The following CPED1 variants were observed in gnomAD, a reference collection of about 807,000 sequenced individuals.
CPED1 encodes the protein cadherin like and PC-esterase domain containing 1.
CPED1 carries 114 observed loss-of-function variants against 128.2 expected under a neutral mutation model. The ratio of observed to expected loss-of-function variants is 0.89; its 90% CI spans 0.76 to 1.04. The LOEUF (loss-of-function observed/expected upper bound fraction) is 1.04, where lower values mean the gene tolerates loss of function less well. Ranked by LOEUF, CPED1 falls within the 50% of genes least tolerant of loss-of-function variation. CPED1 has a pLI of 0.00. For synonymous variants in CPED1, 462 were observed against 426.7 expected (o/e 1.08, Z -1.02); for missense variants, 1,211 against 1,207.1 (o/e 1.00, Z -0.05).
chr7:121,254,982 A>G (rs1798770194), intron 18 of CPED1, among the ~76,000 whole-genome samples: 1 of 151,966 alleles, frequency 6.6e-6, no homozygotes. Context: ...CCAGATGTAC[A>G]AAAAAGAATT....
intron 5 of CPED1, among the ~76,000 whole-genome samples, chr7:121,069,967 T>C (rs1793947202): frequency 6.6e-6 from 1 of 152,062 alleles, no homozygotes; most frequent in African/African-American, 2.4e-5. Flanking sequence ...GCACTGACCT[T>C]CATGTGAAGC....
chr7:121,178,437 G>C (rs1365626928), intron 16 of CPED1, among the ~76,000 whole-genome samples: 1 of 152,028 alleles, frequency 6.6e-6, no homozygotes, highest in African/African-American at 2.4e-5. Context: ...CATTAACTCT[G>C]TGCTGTAATG....
intron 16 of CPED1, among the ~76,000 whole-genome samples, chr7:121,164,365 C>G (rs189342049): frequency 6.6e-6 from 1 of 152,200 alleles, no homozygotes; most frequent in Non-Finnish European, 1.5e-5. Context: ...ATCCCCTCCC[C>G]GAAAGACAGT....
At chr7:121,127,324 TATTCTGCA>T in intron 10 of CPED1, 67 bp downstream of exon 10, 1 of 980,192 alleles carries the variant, frequency 1.0e-6, no homozygotes, top group Non-Finnish European at 1.5e-6. Flanking sequence ...TCATTCTCCT[TATTCTGCA>T]ATTCAGCAAC....
chr7:121,078,332 T>C lies in CPED1; in HGVS notation c.616+14019T>C, dbSNP rs184363509. Among the ~76,000 whole-genome samples, 204 of 152,178 alleles carry C rather than the reference T, an allele frequency of 1.3e-3. 1 individual carries two copies. Among genetic ancestry groups the C allele is most frequent in the Non-Finnish European group, 2.5e-3 (170 of 67,984 alleles). ...TGCTGGGATTACAGGTGTGAGCCAC[T>C]GCACGTGGCCTGATTTGTTTTTTAA... On this transcript the variant is annotated intron_variant, in intron 5 of 22. Transcript: ENST00000310396.
intron 18 of CPED1, among the ~76,000 whole-genome samples, chr7:121,249,056 T>C (rs1798606812): frequency 1.3e-5 from 2 of 152,112 alleles, no homozygotes; most frequent in Non-Finnish European, 2.9e-5. Context: ...AGCAGCAGAA[T>C]AGACCAGGCT....
intron 16 of CPED1, among the ~76,000 whole-genome samples, chr7:121,150,237 T>C (rs935685188): frequency 6.6e-6 from 1 of 150,978 alleles, no homozygotes; most frequent in Admixed American, 6.7e-5. Flanking sequence ...TTGTCTATCA[T>C]TGCCATCTTC....
intron 2 of CPED1, among the ~76,000 whole-genome samples, chr7:120,998,767 A>G (rs538911059): frequency 4.6e-5 from 7 of 151,754 alleles, no homozygotes; most frequent in Middle Eastern, 6.9e-3. Flanking sequence ...ATATCACTCA[A>G]CGTCAGACTT....
chr7:121,295,140 AACACACACACACACACAC>A (rs35927183), intron 22 of CPED1, among the ~76,000 whole-genome samples: 1 of 145,786 alleles, frequency 6.9e-6, no homozygotes, highest in East Asian at 2.0e-4. Context: ...CTGGCCTGAA[AACACACACACACACACAC>A]ACACACACAC....
At chr7:121,120,685 A>G (rs182687716) in intron 7 of CPED1, among the ~76,000 whole-genome samples, 2 of 152,220 alleles carry the variant, frequency 1.3e-5, no homozygotes, top group East Asian at 3.9e-4. Context: ...TCTTATCTCT[A>G]AAATTCTCTC....
At position 121,236,820 on chromosome 7, in the gene CPED1, G is replaced by A. The variant is rs750787348; in HGVS notation, c.2162G>A (p.Gly721Glu). ...LQSELKRCPS[G>E]DMKGQWIVPC... Reference sequence around the variant, plus strand: ...TCTGAACTAAAAAGATGTCCATCTGGGGACATGAAAGGTGACTATCACATT... The same window carrying A: ...TCTGAACTAAAAAGATGTCCATCTGAGGACATGAAAGGTGACTATCACATT... Residue 721 changes from glycine to glutamate, a missense_variant, in exon 17 of 23, where the codon GGG (glycine) becomes GAG (glutamate). Coordinates refer to ENST00000310396, the MANE Select transcript of CPED1 (RefSeq NM_024913.5). The A allele has an allele frequency of 1.8e-5, 29 of 1,573,860 alleles. No homozygotes were observed. Among genetic ancestry groups the A allele is most frequent in the Non-Finnish European group, 2.3e-5 (27 of 1,150,336 alleles).
chr7:121,167,057 A>T (rs1019254116), intron 16 of CPED1, among the ~76,000 whole-genome samples: 1 of 152,150 alleles, frequency 6.6e-6, no homozygotes, highest in Non-Finnish European at 1.5e-5. Flanking sequence ...CTCAGGGAGG[A>T]AGGTAAAAAC....
At chr7:121,005,727 A>T (rs141220688) in intron 2 of CPED1, among the ~76,000 whole-genome samples, 1 of 152,202 alleles carries the variant, frequency 6.6e-6, no homozygotes. Flanking sequence ...TACTTAAACT[A>T]TGTTAATTTT....
At chr7:121,015,531 A>T in intron 2 of CPED1, 134 bp from the exon 3 acceptor site, 1 of 736,776 alleles carries the variant, frequency 1.4e-6, no homozygotes, top group Non-Finnish European at 2.2e-6. Context: ...TCAGCCTTTC[A>T]GAGAAACTGC....
chr7:121,040,303 A>G (rs1222528121), intron 3 of CPED1, among the ~76,000 whole-genome samples: 21 of 152,112 alleles, frequency 1.4e-4, no homozygotes. Context: ...GTAAACATCT[A>G]CTAAGTGTCT....
chr7:121,210,316 C>A (rs1584599706), intron 16 of CPED1, among the ~76,000 whole-genome samples: 1 of 151,794 alleles, frequency 6.6e-6, no homozygotes, highest in African/African-American at 2.4e-5. Flanking sequence ...GAGTATATAC[C>A]CAAAAGAAAG....
chr7:121,072,527 C>G (rs1281279001), intron 5 of CPED1, among the ~76,000 whole-genome samples: 2 of 151,938 alleles, frequency 1.3e-5, no homozygotes, highest in South Asian at 4.1e-4. Flanking sequence ...GTAGAGGAAC[C>G]CTGTACCTCC....
intron 7 of CPED1, among the ~76,000 whole-genome samples, chr7:121,103,059 ATTTTTATGATAG>A (rs1210630462): frequency 6.6e-6 from 1 of 152,130 alleles, no homozygotes; most frequent in Middle Eastern, 3.2e-3. Flanking sequence ...TAACAGGCTA[ATTTTTATGATAG>A]TTTTTATTTA....
chr7:121,100,506 G>C (rs1794823222), intron 7 of CPED1, among the ~76,000 whole-genome samples: 1 of 152,110 alleles, frequency 6.6e-6, no homozygotes. Context: ...CATCACACCA[G>C]TCAATATGGA....
Sources: allele counts gnomAD v4.1 joint callset (sites outside exome capture counted in the v4.1 genomes callset), GRCh38; gene constraint gnomAD v4.1.1; transcripts MANE v1.5; gene names NCBI Gene and HGNC (gene_info 2026-07-23, HGNC 2026-07-21).